DNAJC13: variants seen among roughly 807,000 people sequenced by gnomAD.
The protein encoded by DNAJC13 is dnaJ homolog subfamily C member 13.
DNAJC13 carries 75 observed loss-of-function variants against 290.5 expected under a neutral mutation model. That is an observed-to-expected ratio of 0.26 (90% confidence interval 0.21 to 0.31). DNAJC13 has a LOEUF of 0.31. Among genes scored for constraint, DNAJC13 ranks in the 10% least tolerant of loss-of-function variants. DNAJC13 has a pLI of 1.00. For missense variants in DNAJC13, 2,260 were observed against 2,674.5 expected (o/e 0.85, Z 3.42); for synonymous variants, 862 against 892.0 (o/e 0.97, Z 0.60).
chr3:132,520,458 G>C (rs1576517972), intron 48 of DNAJC13, among the ~76,000 whole-genome samples: 1 of 152,102 alleles, frequency 6.6e-6, no homozygotes, highest in African/African-American at 2.4e-5. Flanking sequence ...AACTTATGTA[G>C]TTCTTAGCAT....
At chr3:132,477,369 C>T (rs1218091969) in intron 22 of DNAJC13, among the ~76,000 whole-genome samples, 1 of 152,074 alleles carries the variant, frequency 6.6e-6, no homozygotes, top group Non-Finnish European at 1.5e-5. Context: ...GAATTCTTTA[C>T]GAAAATGTAA....
At chr3:132,512,873 C>A in intron 44 of DNAJC13, 135 bp from the exon 45 acceptor site, 1 of 712,354 alleles carries the variant, frequency 1.4e-6, no homozygotes, top group Middle Eastern at 3.9e-4. Flanking sequence ...CCTCCACTTA[C>A]TTCATGTCAC....
At chr3:132,448,049 A>G (rs571681734) in intron 5 of DNAJC13, 110 bp downstream of exon 5, 76 of 745,348 alleles carry the variant, frequency 1.0e-4, no homozygotes, top group Non-Finnish European at 1.5e-4. Flanking sequence ...TAAAGGGAAA[A>G]GAAACAAAAT....
intron 13 of DNAJC13, 45 bp downstream of exon 13, chr3:132,457,413 C>T: frequency 1.3e-6 from 2 of 1,497,664 alleles, no homozygotes; most frequent in Non-Finnish European, 1.8e-6. Context: ...CTTAAGTTGA[C>T]TGGTGGTTTT....
intron 2 of DNAJC13, among the ~76,000 whole-genome samples, chr3:132,436,613 C>T (rs1939393204): frequency 6.6e-6 from 1 of 152,144 alleles, no homozygotes; most frequent in Non-Finnish European, 1.5e-5. Context: ...AACTGTTTTC[C>T]AAAGTAGCTG....
intron 20 of DNAJC13, among the ~76,000 whole-genome samples, chr3:132,471,156 C>T (rs9758677): frequency 3.2e-5 from 3 of 94,634 alleles, no homozygotes; most frequent in East Asian, 3.2e-4. Flanking sequence ...GTGGCTGGCC[C>T]GGCTGAGGGG....
At chr3:132,422,065 CTG>C (rs1938975085) in intron 1 of DNAJC13, among the ~76,000 whole-genome samples, 1 of 150,176 alleles carries the variant, frequency 6.7e-6, no homozygotes, top group Non-Finnish European at 1.5e-5. Flanking sequence ...AGACCTCACT[CTG>C]TTGCCCAGGC....
intron 29 of DNAJC13, among the ~76,000 whole-genome samples, chr3:132,487,982 C>T (rs531764865): frequency 6.6e-6 from 1 of 152,184 alleles, no homozygotes; most frequent in African/African-American, 2.4e-5. Context: ...TGAAACAAAC[C>T]GAGAAGTCTT....
At chr3:132,461,263 G>A (rs1404923921) in intron 15 of DNAJC13, 58 bp downstream of exon 15, 31 of 1,569,206 alleles carry the variant, frequency 2.0e-5, no homozygotes, top group South Asian at 5.6e-5. Flanking sequence ...CCGCTTTTAG[G>A]ATCACTGTTT....
intron 2 of DNAJC13, among the ~76,000 whole-genome samples, chr3:132,436,671 T>C (rs910536645): frequency 1.3e-5 from 2 of 152,174 alleles, no homozygotes; most frequent in African/African-American, 4.8e-5. Flanking sequence ...AAATGCTCCA[T>C]ATCCTTATCA....
chr3:132,466,240 G>A (rs1933977052), intron 18 of DNAJC13, 59 bp from the exon 19 acceptor site: 1 of 1,537,746 alleles, frequency 6.5e-7, no homozygotes, highest in Admixed American at 2.1e-5. Flanking sequence ...ATTTATTTGG[G>A]TTTTTAAGGC....
chr3:132,491,060 C>A lies in DNAJC13; in HGVS notation c.3623+9C>A. ...TGGAGCAGTGAAATGAGGTAAATAA[C>A]CAGTTGACTGATTGATTTGTATTTT... is the stretch of plus-strand genomic sequence containing the variant. On this transcript the variant is annotated intron_variant, in intron 32 of 55. Transcript: ENST00000260818. The A allele has an allele frequency of 6.3e-7, 1 of 1,584,154 alleles. No homozygotes were observed. The highest frequency in any genetic ancestry group is 8.6e-7 in the Non-Finnish European group (1 of 1,168,746).
At chr3:132,486,018 T>G (rs1190759316) in intron 29 of DNAJC13, among the ~76,000 whole-genome samples, 1 of 148,210 alleles carries the variant, frequency 6.7e-6, no homozygotes, top group Non-Finnish European at 1.5e-5. Context: ...ACTTATTTAC[T>G]ACCTAAATGC....
intron 33 of DNAJC13, among the ~76,000 whole-genome samples, chr3:132,492,992 G>A (rs1935113773): frequency 6.6e-6 from 1 of 151,990 alleles, no homozygotes; most frequent in Non-Finnish European, 1.5e-5. Context: ...TTGAGTTTCA[G>A]CTGGGCCATT....
chr3:132,446,240 A>G (rs1013551722), intron 2 of DNAJC13, among the ~76,000 whole-genome samples: 1 of 151,966 alleles, frequency 6.6e-6, no homozygotes, highest in Non-Finnish European at 1.5e-5. Context: ...TATAAATCAT[A>G]CTTTTCTACT....
intron 55 of DNAJC13, among the ~76,000 whole-genome samples, chr3:132,531,823 A>T (rs893047806): frequency 6.6e-6 from 1 of 151,996 alleles, no homozygotes; most frequent in African/African-American, 2.4e-5. Context: ...TATTCTCCTA[A>T]GTTTCCAGTG....
At chr3:132,437,502 G>A (rs1939413042) in intron 2 of DNAJC13, among the ~76,000 whole-genome samples, 1 of 152,210 alleles carries the variant, frequency 6.6e-6, no homozygotes. Context: ...TTGGTGTGAA[G>A]TAGGGTTCTA....
chr3:132,431,422 CAA>C (rs895319217), intron 1 of DNAJC13, among the ~76,000 whole-genome samples: 3 of 152,006 alleles, frequency 2.0e-5, no homozygotes, highest in African/African-American at 7.2e-5. Flanking sequence ...CAATTTAAAA[CAA>C]GATGTTTAGG....
chr3:132,430,345 A>G (rs1939208053), intron 1 of DNAJC13, among the ~76,000 whole-genome samples: 1 of 151,660 alleles, frequency 6.6e-6, no homozygotes, highest in Non-Finnish European at 1.5e-5. Context: ...AATAATTCTT[A>G]TATTTCTTTT....
Sources: allele counts gnomAD v4.1 joint callset (sites outside exome capture counted in the v4.1 genomes callset), GRCh38; gene constraint gnomAD v4.1.1; transcripts MANE v1.5; gene names NCBI Gene and HGNC (gene_info 2026-07-23, HGNC 2026-07-21).